The following DPP10 variants were observed in gnomAD, a reference collection of about 807,000 sequenced individuals.
DPP10 encodes the protein inactive dipeptidyl peptidase 10.
In DPP10, 33 loss-of-function variants were observed where a neutral mutation model predicts 120.9. That is an observed-to-expected ratio of 0.27 (90% CI 0.21 to 0.37). DPP10 has a LOEUF of 0.37. DPP10 is among the 10% of genes least tolerant of loss of function. The pLI is 1.00. For synonymous variants in DPP10, 337 were observed against 326.1 expected (o/e 1.03, Z -0.36); for missense variants, 816 against 942.8 (o/e 0.87, Z 1.76).
intron 4 of DPP10, among the ~76,000 whole-genome samples, chr2:115,523,622 C>T (rs900580441): frequency 1.3e-5 from 2 of 152,034 alleles, no homozygotes; most frequent in African/African-American, 4.8e-5. Flanking sequence ...TCCCCTTGAA[C>T]ATTTCCTTAA....
chr2:114,851,293 A>G (rs1305953923), intron 1 of DPP10, among the ~76,000 whole-genome samples: 1 of 152,172 alleles, frequency 6.6e-6, no homozygotes, highest in African/African-American at 2.4e-5. Flanking sequence ...ATATTGTTAT[A>G]TGGGAGTTTA....
At chr2:115,218,594 T>G (rs2056962273) in intron 1 of DPP10, among the ~76,000 whole-genome samples, 1 of 152,170 alleles carries the variant, frequency 6.6e-6, no homozygotes, top group South Asian at 2.1e-4. Flanking sequence ...TTCCAGTTCA[T>G]TGCATCAGGC....
intron 5 of DPP10, among the ~76,000 whole-genome samples, chr2:115,603,335 C>G (rs1249540178): frequency 1.6e-5 from 2 of 126,186 alleles, no homozygotes; most frequent in Non-Finnish European, 3.3e-5. Flanking sequence ...CACCCCCCGC[C>G]CCGCCACCCC....
At chr2:114,803,895 A>G (rs757403393) in intron 1 of DPP10, among the ~76,000 whole-genome samples, 2 of 152,232 alleles carry the variant, frequency 1.3e-5, no homozygotes, top group Non-Finnish European at 2.9e-5. Flanking sequence ...AAGGAGCCTA[A>G]TGTTAATCCC....
chr2:115,403,410 TTTTTTTTG>T (rs2068260828), intron 3 of DPP10, among the ~76,000 whole-genome samples: 1 of 34,064 alleles, frequency 2.9e-5, no homozygotes, highest in African/African-American at 8.0e-5. Flanking sequence ...TTTTTTTTTT[TTTTTTTTG>T]ATACAGAGTC....
chr2:115,516,556 T>G (rs2077512548), intron 4 of DPP10, among the ~76,000 whole-genome samples: 1 of 139,474 alleles, frequency 7.2e-6, no homozygotes, highest in Non-Finnish European at 1.5e-5. Flanking sequence ...GCTGAAAACC[T>G]GAGCCTTGTT....
At chr2:115,663,716 G>T (rs1258402946) in intron 5 of DPP10, among the ~76,000 whole-genome samples, 2 of 152,134 alleles carry the variant, frequency 1.3e-5, no homozygotes, top group Non-Finnish European at 2.9e-5. Flanking sequence ...ATACATACAG[G>T]CTGGGCGCGG....
intron 4 of DPP10, among the ~76,000 whole-genome samples, chr2:115,523,265 T>C (rs1252341130): frequency 6.6e-6 from 1 of 152,018 alleles, no homozygotes; most frequent in Non-Finnish European, 1.5e-5. Flanking sequence ...TAAGACGTTG[T>C]TACCGGAGGC....
chr2:114,947,418 G>C (rs889675112), intron 1 of DPP10, among the ~76,000 whole-genome samples: 9 of 149,666 alleles, frequency 6.0e-5, no homozygotes, highest in African/African-American at 1.7e-4. Flanking sequence ...AAAATTATTT[G>C]AGAGTCAATT....
At chr2:114,588,728 G>T (rs1691204875) in intron 1 of DPP10, among the ~76,000 whole-genome samples, 1 of 152,124 alleles carries the variant, frequency 6.6e-6, no homozygotes, top group Admixed American at 6.5e-5. Context: ...GGGGCTACTG[G>T]TTATTCCATT....
chr2:114,864,089 G>T (rs918570488), intron 1 of DPP10, among the ~76,000 whole-genome samples: 1 of 152,212 alleles, frequency 6.6e-6, no homozygotes, highest in African/African-American at 2.4e-5. Context: ...AATAAGGAAG[G>T]TCTCTTAGAG....
At chr2:115,122,154 G>T (rs2049857706) in intron 1 of DPP10, among the ~76,000 whole-genome samples, 1 of 152,170 alleles carries the variant, frequency 6.6e-6, no homozygotes, top group South Asian at 2.1e-4. Context: ...GTTCCAGAAT[G>T]AACCAGTGCT....
chr2:115,498,260 G>A (rs1015793585), intron 3 of DPP10, among the ~76,000 whole-genome samples: 1 of 152,058 alleles, frequency 6.6e-6, no homozygotes, highest in Non-Finnish European at 1.5e-5. Flanking sequence ...ATTAGATACT[G>A]AAGAAAACAA....
At chr2:114,808,516 A>G (rs1214859887) in intron 1 of DPP10, among the ~76,000 whole-genome samples, 1 of 151,956 alleles carries the variant, frequency 6.6e-6, no homozygotes, top group Non-Finnish European at 1.5e-5. Flanking sequence ...ACTCTTGCCA[A>G]CACAAACTGA....
chr2:114,688,089 AAAGGGAAG>A (rs1429688301), intron 1 of DPP10, among the ~76,000 whole-genome samples: 1 of 152,002 alleles, frequency 6.6e-6, no homozygotes, highest in Admixed American at 6.6e-5. Context: ...AAAGAAATTC[AAAGGGAAG>A]AACATGTTAC....
At chr2:114,763,971 C>T (rs936498189) in intron 1 of DPP10, among the ~76,000 whole-genome samples, 6 of 152,178 alleles carry the variant, frequency 3.9e-5, no homozygotes, top group Non-Finnish European at 7.3e-5. Context: ...TATATTATCT[C>T]CACAGACCTG....
intron 1 of DPP10, among the ~76,000 whole-genome samples, chr2:114,643,460 T>A (rs1289895960): frequency 1.3e-5 from 2 of 151,884 alleles, no homozygotes; most frequent in East Asian, 3.9e-4. Flanking sequence ...GCATGCAGGA[T>A]ACTGACAAGC....
At chr2:115,511,893 A>G (rs1233327062) in intron 4 of DPP10, among the ~76,000 whole-genome samples, 1 of 150,850 alleles carries the variant, frequency 6.6e-6, no homozygotes, top group Non-Finnish European at 1.5e-5. Flanking sequence ...TTCCCAGCTA[A>G]TTTTTTTAAA....
chr2:115,319,711 G>C (rs1283769100), intron 2 of DPP10, among the ~76,000 whole-genome samples: 1 of 152,132 alleles, frequency 6.6e-6, no homozygotes, highest in Non-Finnish European at 1.5e-5. Flanking sequence ...ATAAACAATA[G>C]TAAATTATTT....
Sources: allele counts gnomAD v4.1 joint callset (sites outside exome capture counted in the v4.1 genomes callset), GRCh38; gene constraint gnomAD v4.1.1; transcripts MANE v1.5; gene names NCBI Gene and HGNC (gene_info 2026-07-23, HGNC 2026-07-21).